The following TMEM161B variants were observed in gnomAD, a reference collection of about 807,000 sequenced individuals.
The protein encoded by TMEM161B is transmembrane protein 161B.
A neutral mutation model predicts 61.8 loss-of-function variants in TMEM161B; 34 were observed. The ratio of observed to expected loss-of-function variants is 0.55; its 90% CI spans 0.42 to 0.73. TMEM161B has a LOEUF of 0.73. Among genes scored for constraint, TMEM161B ranks in the 30% least tolerant of loss-of-function variants. TMEM161B has a pLI of 0.00. For synonymous variants in TMEM161B, 167 were observed against 192.8 expected (o/e 0.87, Z 1.11); for missense variants, 456 against 558.5 (o/e 0.82, Z 1.85).
chr5:88,212,364 A>T (rs1746987392), intron 5 of TMEM161B, among the ~76,000 whole-genome samples: 2 of 152,218 alleles, frequency 1.3e-5, no homozygotes, highest in African/African-American at 4.8e-5. Context: ...AGGAAAGAAA[A>T]GTCAAGGACA....
intron 1 of TMEM161B, among the ~76,000 whole-genome samples, chr5:88,253,372 TAG>T (rs1374692367): frequency 6.6e-6 from 1 of 152,136 alleles, no homozygotes; most frequent in Non-Finnish European, 1.5e-5. Context: ...AACACTCCAA[TAG>T]AGTGATTAAA....
At chr5:88,198,863 T>A (rs1580328109) in intron 10 of TMEM161B, 113 bp downstream of exon 10, 2 of 931,390 alleles carry the variant, frequency 2.1e-6, no homozygotes, top group East Asian at 5.4e-5. Context: ...TCTGTTTATT[T>A]ATAATAAGAA....
chr5:88,192,014 A>ATATATATATATATG (rs1748988867), downstream of TMEM161B, among the ~76,000 whole-genome samples: 1 of 93,788 alleles, frequency 1.1e-5, no homozygotes, highest in African/African-American at 4.5e-5. Context: ...ATATATATAT[A>ATATATATATATATG]TATATATATA....
intron 2 of TMEM161B, among the ~76,000 whole-genome samples, chr5:88,228,901 T>C (rs567742560): frequency 2.0e-5 from 3 of 152,356 alleles, no homozygotes; most frequent in East Asian, 3.9e-4. Context: ...TTTGAAGGAA[T>C]TGAGAGTTAT....
chr5:88,212,722 A>G (rs1185437681), intron 5 of TMEM161B, among the ~76,000 whole-genome samples: 3 of 152,118 alleles, frequency 2.0e-5, no homozygotes, highest in African/African-American at 4.8e-5. Context: ...CCAGCTACTC[A>G]GGTGGCTGAG....
intron 5 of TMEM161B, among the ~76,000 whole-genome samples, chr5:88,217,149 C>T (rs1188204089): frequency 1.4e-4 from 22 of 152,188 alleles, no homozygotes; most frequent in Non-Finnish European, 1.8e-4. Flanking sequence ...CTCAGCTACT[C>T]GGAGGGCTGG....
intron 4 of TMEM161B, 108 bp downstream of exon 4, chr5:88,225,660 GA>G (rs1749935121): frequency 1.6e-6 from 1 of 621,716 alleles, no homozygotes; most frequent in Non-Finnish European, 2.7e-6. Context: ...TAAGTTCTTA[GA>G]AAGATTCCAT....
At position 88,195,470 on chromosome 5, in the gene TMEM161B, A is replaced by T; in HGVS notation, c.*741T>A. On this transcript the variant is annotated 3_prime_UTR_variant, in exon 12 of 12. Coordinates refer to ENST00000296595, the MANE Select transcript of TMEM161B (RefSeq NM_153354.5). ...ATAAATATTTTAGCCTATTAAAAGG[A>T]ACTAGTTAGGATCACAGAATAAAAC... 1.0e-6 allele frequency: 1 copy of T among 981,338 alleles called. No homozygotes were observed. The highest frequency in any genetic ancestry group is 1.2e-6 in the Non-Finnish European group (1 of 826,378). 60.8% of individuals were successfully genotyped at this position (981,338 alleles called of 1,614,324 possible).
At chr5:88,222,664 G>T (rs1243958927) in intron 4 of TMEM161B, among the ~76,000 whole-genome samples, 1 of 152,148 alleles carries the variant, frequency 6.6e-6, no homozygotes, top group East Asian at 1.9e-4. Context: ...AGCAGACAGT[G>T]AAGTGACATT....
At chr5:88,240,693 G>T (rs1330381795) in intron 2 of TMEM161B, 120 bp downstream of exon 2, 2 of 797,956 alleles carry the variant, frequency 2.5e-6, no homozygotes, top group African/African-American at 1.8e-5. Context: ...AAATAAGAAA[G>T]CTAGATTTTT....
chr5:88,213,137 C>T (rs151267451), intron 5 of TMEM161B, among the ~76,000 whole-genome samples: 4 of 152,102 alleles, frequency 2.6e-5, no homozygotes, highest in African/African-American at 7.2e-5. Context: ...GAAAAGGCAA[C>T]TAAAATACTC....
chr5:88,195,866 A>G lies in TMEM161B; in HGVS notation c.*345T>C. 1 of 1,033,056 alleles carries G rather than the reference A, an allele frequency of 9.7e-7. No homozygotes were observed. Among genetic ancestry groups the G allele is most frequent in the African/African-American group, 1.7e-5 (1 of 57,976 alleles). The allele number at this position is 1,033,056 out of a possible 1,614,324, so 64.0% of individuals were successfully genotyped here. ...ACAGTACCATAAAACCATTAAAAGC[A>G]ATCAATAACTAGAGTCATGTGAGAT... is the stretch of plus-strand genomic sequence containing the variant. On this transcript the variant is annotated 3_prime_UTR_variant, in exon 12 of 12. Transcript: ENST00000296595.
chr5:88,224,085 A>G lies in TMEM161B; in HGVS notation c.289+1684T>C, dbSNP rs1749539050. The stretch of plus-strand genomic sequence containing the variant: ...TATTTGAGATGCTGGACCTCTTAAG[A>G]TTTTTTGATGGTGGTATGATTTAAC... On this transcript the variant is annotated intron_variant, in intron 4 of 11. Coordinates refer to ENST00000296595, the MANE Select transcript of TMEM161B (RefSeq NM_153354.5). Among the ~76,000 whole-genome samples, 3 of 152,126 alleles carry G rather than the reference A, an allele frequency of 2.0e-5. No homozygotes were observed. The South Asian group carries it at 6.2e-4, about 31-fold the overall frequency.
Position 88,220,733 on chromosome 5 carries a change from AAAAAAAAAAAAAAAAAAAGGTC to A in TMEM161B, c.290-36_290-15del, listed in dbSNP as rs1561353200. 6.7e-7 allele frequency: 1 copy of A among 1,499,036 alleles called. No individual in the cohort carries two copies. Among genetic ancestry groups the A allele is most frequent in the East Asian group, 2.5e-5 (1 of 40,630 alleles). 92.9% of individuals were successfully genotyped at this position (1,499,036 alleles called of 1,614,324 possible). ...AGTAATGCAATGCTGGAAAGAAAAA[AAAAAAAAAAAAAAAAAAAGGTC>A]AAAAAAAACAGTTTCACTTACATTT... is the stretch of plus-strand genomic sequence containing the variant. On this transcript the variant is annotated splice_polypyrimidine_tract_variant and intron_variant, in intron 4 of 11. Coordinates refer to ENST00000296595, the MANE Select transcript of TMEM161B (RefSeq NM_153354.5).
At chr5:88,257,285 AC>A (rs1755110091) in intron 1 of TMEM161B, among the ~76,000 whole-genome samples, 1 of 152,172 alleles carries the variant, frequency 6.6e-6, no homozygotes, top group Admixed American at 6.5e-5. Flanking sequence ...CAAAAACAAA[AC>A]AAAACAAAAC....
At position 88,195,704 on chromosome 5, in the gene TMEM161B, T is replaced by C. The variant is rs1749514436; in HGVS notation, c.*507A>G. 1.0e-6 allele frequency: 1 copy of C among 986,130 alleles called. No homozygotes were observed. Among genetic ancestry groups the C allele is most frequent in the Non-Finnish European group, 1.2e-6 (1 of 830,258 alleles). 61.1% of individuals were successfully genotyped at this position (986,130 alleles called of 1,614,324 possible). The stretch of plus-strand genomic sequence containing the variant: ...TCTTTACTGTAATATACAGTAGCTA[T>C]CTCTTCCTTTCTGTTGGATTTTATT... On this transcript the variant is annotated 3_prime_UTR_variant, in exon 12 of 12. Coordinates refer to ENST00000296595, the MANE Select transcript of TMEM161B (RefSeq NM_153354.5).
At chr5:88,204,038 A>G (rs1430783715) in intron 8 of TMEM161B, among the ~76,000 whole-genome samples, 1 of 151,968 alleles carries the variant, frequency 6.6e-6, no homozygotes, top group Admixed American at 6.6e-5. Flanking sequence ...GGTTCAAAAT[A>G]CACACAAACA....
downstream of TMEM161B, among the ~76,000 whole-genome samples, chr5:88,192,338 T>C (rs1021051398): frequency 6.6e-6 from 1 of 150,982 alleles, no homozygotes; most frequent in African/African-American, 2.4e-5. Flanking sequence ...AAAAAAGGAG[T>C]CCCATGGTAA....
downstream of TMEM161B, among the ~76,000 whole-genome samples, chr5:88,192,806 T>G (rs1258635336): frequency 6.6e-6 from 1 of 152,216 alleles, no homozygotes; most frequent in African/African-American, 2.4e-5. Context: ...AGAAACTGTA[T>G]ATGAATTCAG....
Sources: gnomAD v4.1 joint callset for allele counts (sites outside exome capture counted in the v4.1 genomes callset) on GRCh38, gnomAD v4.1.1 for gene constraint, MANE v1.5 for transcripts, NCBI Gene and HGNC (gene_info 2026-07-23, HGNC 2026-07-21) for gene names.